The following CNTNAP2 variants were observed in gnomAD, a reference collection of about 807,000 sequenced individuals.
The protein encoded by CNTNAP2 is contactin associated protein 2, also known as contactin-associated protein-like 2.
A neutral mutation model predicts 155.2 loss-of-function variants in CNTNAP2; 98 were observed. The observed-to-expected ratio is 0.63, with a 90% CI of 0.54 to 0.75. CNTNAP2 has a LOEUF of 0.75. Among genes scored for constraint, CNTNAP2 ranks in the 30% least tolerant of loss-of-function variants. The pLI is 0.00. For missense variants in CNTNAP2, 1,727 were observed against 1,688.1 expected (o/e 1.02, Z -0.40); for synonymous variants, 651 against 631.2 (o/e 1.03, Z -0.47).
Position 147,936,834 on chromosome 7 carries a change from T to C in CNTNAP2, c.2255+33113T>C, listed in dbSNP as rs549147036. Among the ~76,000 whole-genome samples the C allele has an allele frequency of 2.8e-3, 423 of 152,292 alleles. 3 individuals carry two copies. Among genetic ancestry groups the C allele is most frequent in the African/African-American group, 9.9e-3 (411 of 41,564 alleles). On this transcript the variant is annotated intron_variant, in intron 14 of 23. Transcript: ENST00000361727. ...ATGGTGACATCCTGTTACCGTCTCT[T>C]TGTGCCCTTGGACTCATAAATAAAG...
At chr7:146,867,794 T>C (rs867066024) in intron 3 of CNTNAP2, among the ~76,000 whole-genome samples, 1 of 150,974 alleles carries the variant, frequency 6.6e-6, no homozygotes, top group Non-Finnish European at 1.5e-5. Context: ...TTTTTTTTCA[T>C]ATGCTCGTTG....
chr7:147,454,701 T>C (rs1025351924), intron 10 of CNTNAP2, among the ~76,000 whole-genome samples: 1 of 152,042 alleles, frequency 6.6e-6, no homozygotes, highest in African/African-American at 2.4e-5. Flanking sequence ...CCAGAGCCCA[T>C]TAACCTTCAA....
chr7:146,824,793 G>A (rs886533167), intron 2 of CNTNAP2, among the ~76,000 whole-genome samples: 5 of 151,630 alleles, frequency 3.3e-5, no homozygotes, highest in African/African-American at 4.8e-5. Flanking sequence ...TGGTCATAAA[G>A]ATGTGGGAAA....
intron 3 of CNTNAP2, among the ~76,000 whole-genome samples, chr7:147,040,187 A>G (rs138671721): frequency 9.3e-4 from 142 of 152,322 alleles, no homozygotes; most frequent in Middle Eastern, 6.8e-3. Flanking sequence ...GCCTATGAAA[A>G]AAAGCTCACT....
chr7:147,102,386 T>C (rs1039510519), intron 4 of CNTNAP2, among the ~76,000 whole-genome samples: 3 of 151,750 alleles, frequency 2.0e-5, no homozygotes, highest in African/African-American at 7.3e-5. Flanking sequence ...GAATTATATG[T>C]TGAGCAGGTA....
chr7:147,673,348 C>T (rs1795819301), intron 13 of CNTNAP2, among the ~76,000 whole-genome samples: 1 of 152,136 alleles, frequency 6.6e-6, no homozygotes, highest in Non-Finnish European at 1.5e-5. Flanking sequence ...GAGCGCTGTG[C>T]TATTACATAC....
chr7:147,949,458 A>ATATATATATATATATAT lies in CNTNAP2; in HGVS notation c.2256-28403_2256-28402insATATATATATATATATT, dbSNP rs1433579404. 3.5e-3 allele frequency among the ~76,000 whole-genome samples: 486 copies of ATATATATATATATATAT among 137,304 alleles called. 2 individuals carry two copies. The highest frequency in any genetic ancestry group is 5.6e-3 in the African/African-American group (204 of 36,402). The allele number at this position is 137,304 out of a possible 152,430, so 90.1% of individuals were successfully genotyped here. A position where few individuals can be genotyped will look rare whatever the true frequency, so the allele number is the denominator to read the frequency against. ...ACTGTGTGTATATATATATATATAT[A>ATATATATATATATATAT]TTTTTTTTTTTTAGGTTTATTGCAG... is the stretch of plus-strand genomic sequence containing the variant. On this transcript the variant is annotated intron_variant, in intron 14 of 23. Coordinates refer to ENST00000361727, the MANE Select transcript of CNTNAP2 (RefSeq NM_014141.6).
At chr7:147,322,559 G>A (rs369743759) in intron 9 of CNTNAP2, among the ~76,000 whole-genome samples, 7 of 150,922 alleles carry the variant, frequency 4.6e-5, no homozygotes, top group African/African-American at 1.5e-4. Flanking sequence ...GTCTCTGCCC[G>A]GCTTTGGTAT....
intron 1 of CNTNAP2, among the ~76,000 whole-genome samples, chr7:146,326,162 G>C (rs1043048231): frequency 1.3e-5 from 2 of 152,004 alleles, no homozygotes; most frequent in African/African-American, 2.4e-5. Context: ...TTTTACTAAA[G>C]ATCACACACA....
chr7:148,177,886 A>G (rs1177313386), intron 18 of CNTNAP2, among the ~76,000 whole-genome samples: 1 of 117,500 alleles, frequency 8.5e-6, no homozygotes, highest in African/African-American at 3.4e-5. Context: ...CAAGAATTGA[A>G]CAGACACTGT....
intron 13 of CNTNAP2, among the ~76,000 whole-genome samples, chr7:147,863,777 G>T (rs60480722): frequency 0.59 from 88,191 of 149,158 alleles, 26,347 homozygotes; most frequent in South Asian, 0.7. Flanking sequence ...TGATGGGGTT[G>T]TTTTTTTTCT....
At chr7:148,059,819 G>A (rs984463095) in intron 15 of CNTNAP2, among the ~76,000 whole-genome samples, 2 of 150,838 alleles carry the variant, frequency 1.3e-5, no homozygotes, top group African/African-American at 4.9e-5. Flanking sequence ...TACAAAGTCT[G>A]CACTAAGTTA....
chr7:147,829,473 C>T (rs1798514643), intron 13 of CNTNAP2, among the ~76,000 whole-genome samples: 1 of 152,174 alleles, frequency 6.6e-6, no homozygotes, highest in Non-Finnish European at 1.5e-5. Context: ...TAATAGCTCT[C>T]CATATTTAGT....
At chr7:147,257,072 G>A (rs991040616) in intron 8 of CNTNAP2, among the ~76,000 whole-genome samples, 3 of 152,280 alleles carry the variant, frequency 2.0e-5, no homozygotes, top group African/African-American at 2.4e-5. Context: ...TTGACAAAAC[G>A]CTTGGGCATC....
chr7:148,131,646 A>G (rs908066838), intron 16 of CNTNAP2, among the ~76,000 whole-genome samples: 3 of 152,224 alleles, frequency 2.0e-5, no homozygotes, highest in Non-Finnish European at 4.4e-5. Context: ...GCAGAAATAT[A>G]TATGAAAAAT....
chr7:147,161,760 T>C (rs1465687069), intron 8 of CNTNAP2: 2 of 152,212 alleles, frequency 1.3e-5, no homozygotes, highest in Non-Finnish European at 2.9e-5. Flanking sequence ...CTATCCATTC[T>C]AGCATGTCCT....
chr7:147,356,194 A>T (rs776637949), intron 9 of CNTNAP2, among the ~76,000 whole-genome samples: 4 of 152,228 alleles, frequency 2.6e-5, no homozygotes, highest in Non-Finnish European at 4.4e-5. Context: ...CTACATGATT[A>T]TCTTAATAGA....
intron 10 of CNTNAP2, among the ~76,000 whole-genome samples, chr7:147,423,038 G>A (rs1433111825): frequency 6.6e-6 from 1 of 152,210 alleles, no homozygotes; most frequent in Non-Finnish European, 1.5e-5. Flanking sequence ...GTCAAGAAGT[G>A]TGAACAGATG....
intron 1 of CNTNAP2, among the ~76,000 whole-genome samples, chr7:146,581,140 C>G (rs1021831249): frequency 6.6e-6 from 1 of 152,048 alleles, no homozygotes; most frequent in Non-Finnish European, 1.5e-5. Flanking sequence ...ACAAAACATA[C>G]GGACCCAAGA....
Sources: allele counts gnomAD v4.1 joint callset (sites outside exome capture counted in the v4.1 genomes callset), GRCh38; gene constraint gnomAD v4.1.1; transcripts MANE v1.5; gene names NCBI Gene and HGNC (gene_info 2026-07-23, HGNC 2026-07-21).